The following TCF4 variants were observed in gnomAD, a reference collection of about 807,000 sequenced individuals.
The protein encoded by TCF4 is transcription factor 4, also known as SL3-3 enhancer factor 2.
A neutral mutation model predicts 82.1 loss-of-function variants in TCF4; 3 were observed. The ratio of observed to expected loss-of-function variants is 0.04; its 90% confidence interval spans 0.02 to 0.09. The LOEUF (loss-of-function observed/expected upper bound fraction) is 0.09. TCF4 is among the 10% of genes least tolerant of loss of function. TCF4 has a pLI of 1.00. For synonymous variants in TCF4, 276 were observed against 309.6 expected (o/e 0.89, Z 1.14); for missense variants, 518 against 852.7 (o/e 0.61, Z 4.89).
intron 8 of TCF4, among the ~76,000 whole-genome samples, chr18:55,334,700 C>T (rs2078280540): frequency 6.6e-6 from 1 of 152,088 alleles, no homozygotes; most frequent in Non-Finnish European, 1.5e-5. Context: ...ACTGGGCCAA[C>T]CTGGAACCAA....
intron 5 of TCF4, among the ~76,000 whole-genome samples, chr18:55,432,249 G>A (rs1338738823): frequency 1.3e-5 from 2 of 152,164 alleles, no homozygotes; most frequent in Non-Finnish European, 2.9e-5. Flanking sequence ...GCTGCAGTGG[G>A]CCAAGATCAT....
intron 15 of TCF4, among the ~76,000 whole-genome samples, chr18:55,239,484 G>A (rs141658421): frequency 2.0e-5 from 3 of 151,634 alleles, no homozygotes; most frequent in Non-Finnish European, 4.4e-5. Flanking sequence ...ATTTCCCAGA[G>A]CTTTTGTTTT....
chr18:55,461,165 A>G, intron 4 of TCF4, 50 bp from the exon 5 acceptor site: 1 of 1,429,430 alleles, frequency 7.0e-7, no homozygotes, highest in Non-Finnish European at 9.7e-7. Flanking sequence ...AATAAACAGC[A>G]CATAAACAAA....
chr18:55,531,401 C>T (rs897757859), intron 3 of TCF4, among the ~76,000 whole-genome samples: 1 of 152,080 alleles, frequency 6.6e-6, no homozygotes, highest in Non-Finnish European at 1.5e-5. Flanking sequence ...GAAAGGATCG[C>T]TAAGTAGAGA....
chr18:55,389,667 G>A (rs1167896490), intron 6 of TCF4, among the ~76,000 whole-genome samples: 1 of 152,094 alleles, frequency 6.6e-6, no homozygotes, highest in Non-Finnish European at 1.5e-5. Context: ...GAGTACGAAG[G>A]CTGAGGCTGC....
intron 3 of TCF4, among the ~76,000 whole-genome samples, chr18:55,582,751 T>C (rs1211883994): frequency 2.0e-5 from 3 of 152,108 alleles, no homozygotes; most frequent in African/African-American, 7.2e-5. Flanking sequence ...TGAAAAACCA[T>C]AGCTGATTTT....
intron 8 of TCF4, among the ~76,000 whole-genome samples, chr18:55,305,281 A>C (rs1456160023): frequency 6.6e-6 from 1 of 152,168 alleles, no homozygotes; most frequent in East Asian, 1.9e-4. Flanking sequence ...TCAACTGGTA[A>C]AATTTTTAAT....
intron 8 of TCF4, among the ~76,000 whole-genome samples, chr18:55,302,163 G>A (rs772257502): frequency 1.3e-5 from 2 of 152,160 alleles, no homozygotes; most frequent in Non-Finnish European, 2.9e-5. Flanking sequence ...AAGGACCCTC[G>A]GCCACGAGGC....
At chr18:55,463,977 T>TGTGTGTGTGTGA (rs867214369) in intron 4 of TCF4, 99 bp downstream of exon 4, 2 of 302,966 alleles carry the variant, frequency 6.6e-6, no homozygotes, top group South Asian at 9.9e-5. Flanking sequence ...TGTGTGTGTG[T>TGTGTGTGTGTGA]GAGAGAGAGA....
At chr18:55,583,236 C>T (rs1296509329) in intron 3 of TCF4, among the ~76,000 whole-genome samples, 1 of 152,072 alleles carries the variant, frequency 6.6e-6, no homozygotes, top group East Asian at 1.9e-4. Flanking sequence ...CTTAAAGTTC[C>T]ACACCTTCAA....
At chr18:55,350,282 T>A in intron 8 of TCF4, 77 bp downstream of exon 8, 2 of 1,493,396 alleles carry the variant, frequency 1.3e-6, no homozygotes, top group South Asian at 2.3e-5. Flanking sequence ...GGAAACTCAT[T>A]TACTTCTATC....
chr18:55,628,805 G>T (rs1035673647), intron 2 of TCF4, among the ~76,000 whole-genome samples: 3 of 152,120 alleles, frequency 2.0e-5, no homozygotes, highest in Non-Finnish European at 4.4e-5. Context: ...CACTCATCTG[G>T]TTTAAGATAG....
At chr18:55,334,772 G>A (rs534392577) in intron 8 of TCF4, among the ~76,000 whole-genome samples, 15 of 152,216 alleles carry the variant, frequency 9.9e-5, no homozygotes, top group African/African-American at 3.6e-4. Context: ...TCCTAGCTTA[G>A]AGAAAAGTCA....
At chr18:55,317,142 T>TA (rs925478950) in intron 8 of TCF4, among the ~76,000 whole-genome samples, 3 of 151,506 alleles carry the variant, frequency 2.0e-5, no homozygotes, top group East Asian at 1.9e-4. Flanking sequence ...TAATGAAGCA[T>TA]AAAAAAAAAT....
intron 2 of TCF4, among the ~76,000 whole-genome samples, chr18:55,593,685 A>G (rs1249926531): frequency 6.6e-6 from 1 of 152,164 alleles, no homozygotes; most frequent in Admixed American, 6.5e-5. Context: ...ACCTGTGTTA[A>G]AATAAACAAG....
At chr18:55,495,982 T>C (rs970998575) in intron 3 of TCF4, 4 of 152,212 alleles carry the variant, frequency 2.6e-5, no homozygotes, top group African/African-American at 7.2e-5. Context: ...TTCTTCTGCA[T>C]TTTTCCCTTT....
chr18:55,365,191 A>ATATATATATATATATATGTGTG (rs1361444592), intron 6 of TCF4, among the ~76,000 whole-genome samples: 14 of 97,924 alleles, frequency 1.4e-4, no homozygotes, highest in African/African-American at 7.1e-4. Context: ...ATATATATAT[A>ATATATATATATATATATGTGTG]TGTGTGTGTG....
intron 8 of TCF4, among the ~76,000 whole-genome samples, chr18:55,348,136 T>C (rs567387365): frequency 6.6e-6 from 1 of 152,350 alleles, no homozygotes; most frequent in South Asian, 2.1e-4. Context: ...TGGTAAGCCA[T>C]GTGGATCTTG....
intron 6 of TCF4, among the ~76,000 whole-genome samples, chr18:55,393,324 A>G (rs2093290309): frequency 6.6e-6 from 1 of 152,194 alleles, no homozygotes; most frequent in Non-Finnish European, 1.5e-5. Context: ...TGACTGCACC[A>G]CTGCACTCCA....
Sources: gnomAD v4.1 joint callset for allele counts (sites outside exome capture counted in the v4.1 genomes callset) on GRCh38, gnomAD v4.1.1 for gene constraint, MANE v1.5 for transcripts, NCBI Gene and HGNC (gene_info 2026-07-23, HGNC 2026-07-21) for gene names.